FGF14: variants seen among roughly 807,000 people sequenced by gnomAD.
FGF14 encodes the protein fibroblast growth factor 14.
In FGF14, 5 loss-of-function variants were observed where a neutral mutation model predicts 25.5. The ratio of observed to expected loss-of-function variants is 0.20; its 90% CI spans 0.10 to 0.41. FGF14 has a LOEUF of 0.41. Among genes scored for constraint, FGF14 ranks in the 10% least tolerant of loss-of-function variants. FGF14 has a pLI of 1.00. For missense variants in FGF14, 222 were observed against 320.1 expected (o/e 0.69, Z 2.34); for synonymous variants, 138 against 118.3 (o/e 1.17, Z -1.08).
rs1021325473 is a variant in FGF14, at chr13:101,715,344, C to T, written c.*7487G>A. The stretch of plus-strand genomic sequence containing the variant: ...TGATACAGGATGGTGACTATCTGAT[C>T]GGTAAAGGGTGGCACCAAATAAATG... On this transcript the variant is annotated 3_prime_UTR_variant, in exon 5 of 5. Coordinates refer to ENST00000376143, the MANE Select transcript of FGF14 (RefSeq NM_004115.4). The T allele has an allele frequency of 2.0e-4, 102 of 514,508 alleles. No individual in the cohort carries two copies. Among genetic ancestry groups the T allele is most frequent in the Non-Finnish European group, 2.9e-4 (84 of 286,894 alleles). The allele number at this position is 514,508 out of a possible 1,614,324, so 31.9% of individuals were successfully genotyped here.
chr13:101,738,055 G>C (rs529581527), intron 3 of FGF14, among the ~76,000 whole-genome samples: 1 of 152,184 alleles, frequency 6.6e-6, no homozygotes, highest in South Asian at 2.1e-4. Flanking sequence ...ATTTCTGATT[G>C]AGCTTTTTGA....
At chr13:102,022,936 C>G (rs994939629) in intron 1 of FGF14, among the ~76,000 whole-genome samples, 1 of 151,638 alleles carries the variant, frequency 6.6e-6, no homozygotes, top group African/African-American at 2.4e-5. Flanking sequence ...TGTGTGAAGC[C>G]TTGTGCTGGG....
At chr13:101,988,915 T>C (rs1233203704) in intron 1 of FGF14, among the ~76,000 whole-genome samples, 1 of 152,052 alleles carries the variant, frequency 6.6e-6, no homozygotes, top group Non-Finnish European at 1.5e-5. Flanking sequence ...TGTTTGTTTG[T>C]TTTTTTACCC....
At chr13:102,060,001 A>G (rs976133842) in intron 1 of FGF14, among the ~76,000 whole-genome samples, 1 of 152,350 alleles carries the variant, frequency 6.6e-6, no homozygotes, top group Middle Eastern at 3.4e-3. Context: ...TAATTTGAAA[A>G]GCTGAAATCC....
chr13:101,713,358 A>G lies in FGF14; in HGVS notation c.*9473T>C, dbSNP rs550302776. 1 of 152,116 alleles carries G rather than the reference A, an allele frequency of 6.6e-6. No individual in the cohort carries two copies. The highest frequency in any genetic ancestry group is 6.5e-5 in the Admixed American group (1 of 15,284). The allele number at this position is 152,116 out of a possible 1,614,324, so 9.4% of individuals were successfully genotyped here. A position where few individuals can be genotyped will look rare whatever the true frequency, so the allele number is the denominator to read the frequency against. ...ATTGATTCTTGCCCCTTTTCAATAT[A>G]TTTTGAACTTACCAATTCTGCAGTT... On this transcript the variant is annotated 3_prime_UTR_variant, in exon 5 of 5. Coordinates refer to ENST00000376143, the MANE Select transcript of FGF14 (RefSeq NM_004115.4).
chr13:102,010,860 A>G (rs1382895686), intron 1 of FGF14, among the ~76,000 whole-genome samples: 1 of 152,200 alleles, frequency 6.6e-6, no homozygotes, highest in African/African-American at 2.4e-5. Context: ...CTCAATTTCA[A>G]TCATCTGTGG....
chr13:102,339,237 T>G (rs1485081608), intron 1 of FGF14, among the ~76,000 whole-genome samples: 3 of 150,770 alleles, frequency 2.0e-5, no homozygotes, highest in Non-Finnish European at 4.4e-5. Context: ...AAATTGAAAA[T>G]AAAAAAATGT....
At chr13:102,355,806 T>C (rs900545646) in intron 1 of FGF14, among the ~76,000 whole-genome samples, 2 of 152,124 alleles carry the variant, frequency 1.3e-5, no homozygotes, top group Non-Finnish European at 2.9e-5. Flanking sequence ...AAATAATTCT[T>C]CCTTCGATTA....
intron 1 of FGF14, among the ~76,000 whole-genome samples, chr13:102,129,858 C>T (rs1450171872): frequency 1.3e-5 from 2 of 152,118 alleles, no homozygotes; most frequent in East Asian, 3.9e-4. Context: ...AAGAGCCAAC[C>T]TGGTAAATTA....
chr13:101,956,006 T>C (rs936477524), intron 1 of FGF14, among the ~76,000 whole-genome samples: 2 of 152,202 alleles, frequency 1.3e-5, no homozygotes, highest in African/African-American at 4.8e-5. Flanking sequence ...ATTTGGCAAG[T>C]TGGTTCACTG....
At chr13:102,323,619 G>A (rs2056321397) in intron 1 of FGF14, among the ~76,000 whole-genome samples, 1 of 152,026 alleles carries the variant, frequency 6.6e-6, no homozygotes, top group African/African-American at 2.4e-5. Flanking sequence ...AACTGTATTG[G>A]CTCCTTTGTG....
At chr13:102,226,961 C>G (rs976886319) in intron 1 of FGF14, among the ~76,000 whole-genome samples, 4 of 152,056 alleles carry the variant, frequency 2.6e-5, no homozygotes, top group African/African-American at 9.7e-5. Context: ...TAGCCGGGAA[C>G]ATTAAGATCA....
At position 102,288,760 on chromosome 13, in the gene FGF14, T is replaced by C. The variant is rs544332561; in HGVS notation, c.208+112711A>G. Reference sequence around the variant, plus strand: ...CCACAATGTACAGCTAAGTTTTATATTTTTAGTAGAGATGGGGTTTCACCA... The same window carrying C: ...CCACAATGTACAGCTAAGTTTTATACTTTTAGTAGAGATGGGGTTTCACCA... On this transcript the variant is annotated intron_variant, in intron 1 of 4. Coordinates refer to the FGF14 transcript ENST00000376131. Among the ~76,000 whole-genome samples, 14 of 152,102 alleles carry C rather than the reference T, an allele frequency of 9.2e-5. No individual in the cohort carries two copies. The South Asian group carries it at 2.9e-3, about 32-fold the overall frequency.
intron 1 of FGF14, among the ~76,000 whole-genome samples, chr13:102,335,940 T>C (rs540257894): frequency 2.6e-5 from 4 of 152,312 alleles, no homozygotes; most frequent in African/African-American, 7.2e-5. Flanking sequence ...GTGAACTTCA[T>C]TGATAAATGT....
At chr13:102,047,159 A>C (rs2042020180) in intron 1 of FGF14, among the ~76,000 whole-genome samples, 2 of 152,264 alleles carry the variant, frequency 1.3e-5, no homozygotes, top group Non-Finnish European at 2.9e-5. Flanking sequence ...AAAATATTTA[A>C]ATGAGAAAAT....
At chr13:101,875,332 T>C (rs370863162) in intron 1 of FGF14, 36 bp from the exon 2 acceptor site, 1 of 1,358,324 alleles carries the variant, frequency 7.4e-7, no homozygotes, top group African/African-American at 1.4e-5. Flanking sequence ...AGCCTCACAA[T>C]GTGTCACCAT....
chr13:102,068,340 G>T (rs1041140387), intron 1 of FGF14, among the ~76,000 whole-genome samples: 6 of 152,220 alleles, frequency 3.9e-5, no homozygotes, highest in African/African-American at 9.6e-5. Flanking sequence ...GCTCGCTCTC[G>T]GCGCCTCCTC....
At chr13:101,823,507 G>A (rs576631375) in intron 3 of FGF14, among the ~76,000 whole-genome samples, 3 of 150,316 alleles carry the variant, frequency 2.0e-5, no homozygotes, top group South Asian at 2.1e-4. Flanking sequence ...GCGCGATCTC[G>A]GCTCACCACA....
At chr13:101,835,551 T>A (rs1315193862) in intron 3 of FGF14, among the ~76,000 whole-genome samples, 5 of 152,088 alleles carry the variant, frequency 3.3e-5, no homozygotes, top group Non-Finnish European at 5.9e-5. Context: ...GATATGATTT[T>A]AGCTGTAGCC....
Sources: gnomAD v4.1 joint callset for allele counts (sites outside exome capture counted in the v4.1 genomes callset) on GRCh38, gnomAD v4.1.1 for gene constraint, MANE v1.5 for transcripts, NCBI Gene and HGNC (gene_info 2026-07-23, HGNC 2026-07-21) for gene names.